Variants in BRF1 observed in about 807,000 individuals in gnomAD.
The protein encoded by BRF1 is BRF1 general transcription factor IIIB subunit, also known as transcription factor IIIB 90 kDa subunit.
BRF1 carries 59 observed loss-of-function variants against 81.7 expected under a neutral mutation model. That is an observed-to-expected ratio of 0.72 (90% CI 0.59 to 0.90). The LOEUF is 0.90. Ranked by LOEUF, BRF1 falls within the 40% of genes least tolerant of loss-of-function variation. The pLI, the probability that BRF1 is intolerant of heterozygous loss-of-function variation, is 0.00. For missense variants in BRF1, 1,050 were observed against 936.3 expected (o/e 1.12, Z -1.58); for synonymous variants, 491 against 395.6 (o/e 1.24, Z -2.86).
rs968352931 is a variant in BRF1, at chr14:105,248,338, G to C, written c.544+4169C>G. The C allele has an allele frequency of 8.1e-6, 8 of 985,344 alleles. No individual in the cohort carries two copies. The African/African-American group carries it at 1.4e-4, about 17-fold the overall frequency. 61.0% of individuals were successfully genotyped at this position (985,344 alleles called of 1,614,324 possible). ...CCAAAAGATCGCTAACTGAAGAACG[G>C]GCGCAAGCACCTGCGCATGGCACTG... On this transcript the variant is annotated intron_variant, in intron 5 of 17. Coordinates refer to ENST00000547530, the MANE Select transcript of BRF1 (RefSeq NM_001519.4).
intron 3 of BRF1, 117 bp from the exon 4 acceptor site, chr14:105,256,666 T>C (rs2055890050): frequency 6.9e-7 from 1 of 1,454,976 alleles, no homozygotes; most frequent in East Asian, 2.4e-5. Context: ...CCCCTCCAAA[T>C]ATAAGCTCCA....
chr14:105,248,205 G>A (rs1044071870), intron 5 of BRF1: 1 of 985,520 alleles, frequency 1.0e-6, no homozygotes, highest in Non-Finnish European at 1.2e-6. Context: ...GCTAAATCGC[G>A]AAGCATCTGA....
In BRF1 at chr14:105,228,922, C is replaced by T. The variant is rs1415543729; in HGVS notation, c.695-9G>A. On this transcript the variant is annotated splice_polypyrimidine_tract_variant and intron_variant, in intron 6 of 17. Transcript: ENST00000547530. ...GGCTGCAACCAGGAGCGCTGGAAGG[C>T]AACGAGACGGGCCTCGTCAACCACG... 1.9e-6 allele frequency: 3 copies of T among 1,613,044 alleles called. No homozygotes were observed. The highest frequency in any genetic ancestry group is 2.5e-6 in the Non-Finnish European group (3 of 1,179,904).
chr14:105,259,773 G>C (rs898041047), intron 3 of BRF1, among the ~76,000 whole-genome samples: 1 of 152,200 alleles, frequency 6.6e-6, no homozygotes, highest in African/African-American at 2.4e-5. Context: ...AGCTGGACAT[G>C]GTGGCGTGCC....
intron 5 of BRF1, chr14:105,248,155 C>G (rs2055253410): frequency 1.2e-5 from 12 of 985,464 alleles, no homozygotes; most frequent in Non-Finnish European, 1.3e-5. Context: ...CAGAGTGGAC[C>G]GCGCTCTCTG....
chr14:105,223,760 G>A (rs1346336553), intron 10 of BRF1, among the ~76,000 whole-genome samples: 1 of 152,044 alleles, frequency 6.6e-6, no homozygotes, highest in Non-Finnish European at 1.5e-5. Context: ...GAAATCAAAG[G>A]GCACATTTTA....
intron 5 of BRF1, among the ~76,000 whole-genome samples, chr14:105,243,283 T>TAA (rs2054839577): frequency 2.1e-5 from 2 of 95,156 alleles, no homozygotes; most frequent in Non-Finnish European, 2.4e-5. Context: ...TTTACTAAAA[T>TAA]ACAAAAAAAA....
At position 105,300,485 on chromosome 14, in the gene BRF1, C is replaced by T; in HGVS notation, c.145G>A (p.Gly49Ser). The T allele has an allele frequency of 6.5e-7, 1 of 1,535,512 alleles. No individual in the cohort carries two copies. Among genetic ancestry groups the T allele is most frequent in the Non-Finnish European group, 8.7e-7 (1 of 1,144,350 alleles). The change falls in exon 1 of 18, where the codon GGC becomes AGC. Residue 49 changes from glycine (G) to serine (S), a missense_variant. Around this residue, in one of 2 missense-constraint regions of BRF1, gnomAD observed 1,043 missense variants for 915.4 expected, o/e 1.14. Transcript: ENST00000547530. Reference sequence around the variant, plus strand: ...AACTGGCCCACGGCCGAGGAGCCGCCGCCGCTGCTCTCCACGAACTGCACC... The same window carrying T: ...AACTGGCCCACGGCCGAGGAGCCGCTGCCGCTGCTCTCCACGAACTGCACC... ...SEVQFVESSG[G>S]GSSAVGQFVS...
intron 1 of BRF1, chr14:105,314,924 C>A: frequency 9.4e-7 from 1 of 1,063,406 alleles, no homozygotes. Context: ...GCGCCATGGC[C>A]GAGCGAGGCC....
chr14:105,223,881 C>T (rs1409109776), intron 10 of BRF1, among the ~76,000 whole-genome samples: 4 of 152,240 alleles, frequency 2.6e-5, no homozygotes, highest in Non-Finnish European at 5.9e-5. Context: ...AATGTGACTC[C>T]TCCTCCTTGA....
chr14:105,221,976 AAAAAC>A, intron 10 of BRF1, 62 bp from the exon 11 acceptor site: 1 of 1,495,062 alleles, frequency 6.7e-7, no homozygotes, highest in African/African-American at 1.4e-5. Flanking sequence ...TTTTGTGACA[AAAAAC>A]AATGCTACCA....
rs1476612532 is a variant in BRF1 at position 105,307,937 on chromosome 14, CT to C, written c.-162+7384del. ...GTGGCTCACGCCTGTCATCCCAGCA[CT>C]TTGGGAGGCAGAGGTGGGAGGATAG... is the stretch of plus-strand genomic sequence containing the variant. On this transcript the variant is annotated intron_variant, in intron 1 of 17. Transcript: ENST00000327359. Among the ~76,000 whole-genome samples, 11 of 152,226 alleles carry C rather than the reference CT, an allele frequency of 7.2e-5. 1 individual carries two copies. The highest frequency in any genetic ancestry group is 2.9e-5 in the Non-Finnish European group (2 of 68,028).
At chr14:105,263,580 C>T (rs587682254) in intron 3 of BRF1, among the ~76,000 whole-genome samples, 1 of 152,040 alleles carries the variant, frequency 6.6e-6, no homozygotes, top group East Asian at 1.9e-4. Flanking sequence ...GACGGACCAG[C>T]AGCAACTGGA....
intron 10 of BRF1, among the ~76,000 whole-genome samples, chr14:105,225,386 C>T (rs587729404): frequency 2.1e-4 from 32 of 152,250 alleles, no homozygotes; most frequent in African/African-American, 6.0e-4. Context: ...GAAGTGGGGG[C>T]GGGGTCAGAC....
At chr14:105,226,021 C>G in intron 10 of BRF1, 48 bp downstream of exon 10, 4 of 1,515,066 alleles carry the variant, frequency 2.6e-6, no homozygotes, top group Non-Finnish European at 3.6e-6. Context: ...TGCTGAGACT[C>G]TAGCACATTT....
In BRF1 at chr14:105,271,294, A is replaced by ACTGCCCATCT. The variant is rs1163209579; in HGVS notation, c.439+1426_439+1427insAGATGGGCAG. On this transcript the variant is annotated intron_variant, in intron 3 of 17. Transcript: ENST00000547530. This position sits in a 1 kb window ranked among gnomAD's most constrained non-coding sequence, Gnocchi z 5.5. ...CAGAGAGCAAAGGCCTGATGGGCTC[A>ACTGCCCATCT]CACTGCCGTGAGATTTCTGAACGTG... 6.6e-6 allele frequency among the ~76,000 whole-genome samples: 1 copy of ACTGCCCATCT among 152,254 alleles called. No homozygotes were observed. Among genetic ancestry groups the ACTGCCCATCT allele is most frequent in the Admixed American group, 6.5e-5 (1 of 15,292 alleles).
chr14:105,212,090 C>T (rs1452051372), intron 16 of BRF1, 23 bp downstream of exon 16: 3 of 1,611,340 alleles, frequency 1.9e-6, no homozygotes, highest in East Asian at 2.2e-5. Context: ...GTCTCCCTGC[C>T]CTGGCTGCGT....
intron 15 of BRF1, chr14:105,213,233 A>G (rs1279192369): frequency 6.6e-6 from 1 of 152,196 alleles, no homozygotes; most frequent in East Asian, 1.9e-4. Context: ...GAGACACCCC[A>G]CTGTGGTCTC....
At chr14:105,292,905 C>G (rs922919404) in intron 1 of BRF1, among the ~76,000 whole-genome samples, 5 of 152,206 alleles carry the variant, frequency 3.3e-5, no homozygotes, top group African/African-American at 1.2e-4. Flanking sequence ...AGCCCAGGCC[C>G]CTTCCCCAGG....
Sources: allele counts gnomAD v4.1 joint callset (sites outside exome capture counted in the v4.1 genomes callset), GRCh38; gene constraint gnomAD v4.1.1; regional missense constraint gnomAD v4.1.1; non-coding constraint Gnocchi (gnomAD v3.1); transcripts MANE v1.5; gene names NCBI Gene and HGNC (gene_info 2026-07-23, HGNC 2026-07-21).